BCAS3: variants seen among roughly 807,000 people sequenced by gnomAD.
The protein encoded by BCAS3 is BCAS4/BCAS3 fusion.
BCAS3 carries 53 observed loss-of-function variants against 116.1 expected under a neutral mutation model. The ratio of observed to expected loss-of-function variants is 0.46; its 90% CI spans 0.37 to 0.57. The LOEUF (loss-of-function observed/expected upper bound fraction) is 0.57, where lower values mean the gene tolerates loss of function less well. Ranked by LOEUF, BCAS3 falls within the 20% of genes least tolerant of loss-of-function variation. The pLI is 0.00. For missense variants in BCAS3, 917 were observed against 1,165.4 expected (o/e 0.79, Z 3.10); for synonymous variants, 391 against 408.2 (o/e 0.96, Z 0.51).
rs568648345 is a variant in BCAS3 at position 61,286,583 on chromosome 17, A to T, written c.2426-81744A>T. ...ATGTCAGAATAGGGATTTTCACACC[A>T]GCAGAGAGTGCTAACAGTGTGCCAG... is the stretch of plus-strand genomic sequence containing the variant. On this transcript the variant is annotated intron_variant, in intron 22 of 23. Coordinates refer to ENST00000407086, the MANE Select transcript of BCAS3 (RefSeq NM_017679.5). The surrounding 1 kb of genome is among the most constrained non-coding windows in gnomAD (Gnocchi z 4.8). 6.6e-6 allele frequency among the ~76,000 whole-genome samples: 1 copy of T among 152,286 alleles called. No homozygotes were observed. The highest frequency in any genetic ancestry group is 2.1e-4 in the South Asian group (1 of 4,820).
At chr17:60,933,481 G>C (rs1237115641) in intron 13 of BCAS3, among the ~76,000 whole-genome samples, 1 of 152,108 alleles carries the variant, frequency 6.6e-6, no homozygotes, top group Non-Finnish European at 1.5e-5. Context: ...ATTAATAAGA[G>C]GAAAATGAGT....
At chr17:60,744,274 A>G (rs948686069) in intron 5 of BCAS3, among the ~76,000 whole-genome samples, 1 of 152,220 alleles carries the variant, frequency 6.6e-6, no homozygotes, top group African/African-American at 2.4e-5. Context: ...GAAAATCCTT[A>G]TCTCTGCCAT....
chr17:60,763,722 G>T (rs188648310), intron 6 of BCAS3, among the ~76,000 whole-genome samples: 2 of 152,276 alleles, frequency 1.3e-5, no homozygotes, highest in Admixed American at 1.3e-4. Context: ...AAATGAGTTA[G>T]GGAGGGTTCC....
At chr17:61,389,193 G>C (rs1404254415) in intron 23 of BCAS3, 1 of 157,948 alleles carries the variant, frequency 6.3e-6, no homozygotes, top group African/African-American at 2.4e-5. Flanking sequence ...GGCTCACAGA[G>C]GAGTGGACAC....
chr17:60,742,598 AATTTTTGT>A (rs1275506006), intron 5 of BCAS3, among the ~76,000 whole-genome samples: 1 of 151,344 alleles, frequency 6.6e-6, no homozygotes, highest in Non-Finnish European at 1.5e-5. Flanking sequence ...ATGCCCGGCT[AATTTTTGT>A]ATTTTTGGTA....
Position 61,243,109 on chromosome 17 carries a change from A to C in BCAS3, c.2426-125218A>C, listed in dbSNP as rs1046151916. Among the ~76,000 whole-genome samples the C allele has an allele frequency of 2.0e-5, 3 of 152,026 alleles. No individual in the cohort carries two copies. The highest frequency in any genetic ancestry group is 4.4e-5 in the Non-Finnish European group (3 of 67,990). The stretch of plus-strand genomic sequence containing the variant: ...GTATTTTTAGTAGAGATGGGGTTTC[A>C]CCATGTTGGCCAAGATGGCCTCCAT... On this transcript the variant is annotated intron_variant, in intron 22 of 23. Coordinates refer to ENST00000407086, the MANE Select transcript of BCAS3 (RefSeq NM_017679.5). The surrounding 1 kb of genome is among the most constrained non-coding windows in gnomAD (Gnocchi z 5.6).
chr17:61,110,022 A>T (rs192098286), intron 22 of BCAS3, among the ~76,000 whole-genome samples: 1 of 152,200 alleles, frequency 6.6e-6, no homozygotes, highest in Non-Finnish European at 1.5e-5. Flanking sequence ...GCCTAAGCCA[A>T]TGTCTAGAAG....
At chr17:61,218,331 C>T (rs1453183728) in intron 22 of BCAS3, among the ~76,000 whole-genome samples, 1 of 152,112 alleles carries the variant, frequency 6.6e-6, no homozygotes, top group South Asian at 2.1e-4. Context: ...GATTGTTGGG[C>T]TTACCTTAAA....
rs759639167 is a variant in BCAS3 at position 61,324,246 on chromosome 17, G to A, written c.2426-44081G>A. ...TTCAATCAGTGAGTGAATTAGAGGC[G>A]GGAGAGACCCTACCTCCTTTATCAT... On this transcript the variant is annotated intron_variant, in intron 22 of 23. Coordinates refer to ENST00000407086, the MANE Select transcript of BCAS3 (RefSeq NM_017679.5). This position sits in a 1 kb window ranked among gnomAD's most constrained non-coding sequence, Gnocchi z 4.6. Among the ~76,000 whole-genome samples, 3 of 152,248 alleles carry A rather than the reference G, an allele frequency of 2.0e-5. No homozygotes were observed. The highest frequency in any genetic ancestry group is 2.1e-4 in the South Asian group (1 of 4,822).
intron 7 of BCAS3, among the ~76,000 whole-genome samples, chr17:60,854,428 T>G (rs533602582): frequency 1.6e-3 from 240 of 152,336 alleles, no homozygotes; most frequent in African/African-American, 5.3e-3. Context: ...ATGGGATGGC[T>G]GGGTCAAATG....
rs2065986715 is a variant in BCAS3, at chr17:61,023,095, A to C, written c.1637+7194A>C. On this transcript the variant is annotated intron_variant, in intron 16 of 23. Transcript: ENST00000407086. The surrounding 1 kb of genome is among the most constrained non-coding windows in gnomAD (Gnocchi z 4.8). ...TCTTTGGTAGGGAGCAAGTAAAATT[A>C]ATGAAAAATTCAAAGTATAACTTAA... Among the ~76,000 whole-genome samples the C allele has an allele frequency of 6.6e-6, 1 of 152,246 alleles. No individual in the cohort carries two copies. Among genetic ancestry groups the C allele is most frequent in the Non-Finnish European group, 1.5e-5 (1 of 68,042 alleles).
In BCAS3 at chr17:61,339,906, AG is replaced by A. The variant is rs2057017996; in HGVS notation, c.2426-28420del. On this transcript the variant is annotated intron_variant, in intron 22 of 23. Coordinates refer to ENST00000407086, the MANE Select transcript of BCAS3 (RefSeq NM_017679.5). This position sits in a 1 kb window ranked among gnomAD's most constrained non-coding sequence, Gnocchi z 4.4. ...TAGAGAGAGGGTCAACTATGTCGAA[AG>A]CACACTTGACCTGCTGAAAGATGAG... Among the ~76,000 whole-genome samples, 1 of 152,228 alleles carries A rather than the reference AG, an allele frequency of 6.6e-6. No homozygotes were observed. Among genetic ancestry groups the A allele is most frequent in the Non-Finnish European group, 1.5e-5 (1 of 68,040 alleles).
intron 22 of BCAS3, among the ~76,000 whole-genome samples, chr17:61,350,028 T>TAA (rs1275993348): frequency 6.6e-6 from 1 of 152,236 alleles, no homozygotes; most frequent in African/African-American, 2.4e-5. Context: ...TATACTCATT[T>TAA]AAATATTGCA....
chr17:60,973,887 C>T (rs984348214), intron 14 of BCAS3, among the ~76,000 whole-genome samples: 5 of 152,084 alleles, frequency 3.3e-5, no homozygotes, highest in African/African-American at 1.2e-4. Context: ...CCACCACACC[C>T]TGCCTAAAAA....
chr17:61,005,886 G>T (rs978972638), intron 15 of BCAS3, among the ~76,000 whole-genome samples: 4 of 151,060 alleles, frequency 2.6e-5, no homozygotes, highest in Non-Finnish European at 4.4e-5. Flanking sequence ...CATGCTGGTG[G>T]GCTGCACCCA....
At chr17:60,841,616 G>A (rs534802712) in intron 7 of BCAS3, among the ~76,000 whole-genome samples, 3 of 147,892 alleles carry the variant, frequency 2.0e-5, no homozygotes, top group East Asian at 2.0e-4. Flanking sequence ...TCCTGACCTC[G>A]TGATCCGCCC....
chr17:61,052,625 T>G (rs1056642525), intron 19 of BCAS3, among the ~76,000 whole-genome samples: 1 of 152,106 alleles, frequency 6.6e-6, no homozygotes, highest in African/African-American at 2.4e-5. Context: ...TAACCTGACT[T>G]CGAAGTAGTT....
chr17:60,882,178 T>C (rs954029676), intron 9 of BCAS3, among the ~76,000 whole-genome samples: 1 of 152,224 alleles, frequency 6.6e-6, no homozygotes, highest in Non-Finnish European at 1.5e-5. Flanking sequence ...AATTTGCATT[T>C]CTCTGATGGC....
chr17:61,071,126 T>A (rs2071390312), intron 19 of BCAS3, among the ~76,000 whole-genome samples: 1 of 152,192 alleles, frequency 6.6e-6, no homozygotes, highest in Non-Finnish European at 1.5e-5. Context: ...GAGGTTATAG[T>A]GAAGAATTTA....
Sources: gnomAD v4.1 joint callset for allele counts (sites outside exome capture counted in the v4.1 genomes callset) on GRCh38, gnomAD v4.1.1 for gene constraint, Gnocchi (gnomAD v3.1) non-coding constraint, MANE v1.5 for transcripts, NCBI Gene and HGNC (gene_info 2026-07-23, HGNC 2026-07-21) for gene names.